The following RBFOX1 variants were observed in gnomAD, a reference collection of about 807,000 sequenced individuals.
RBFOX1 encodes the protein RNA binding fox-1 homolog 1.
In RBFOX1, 8 loss-of-function variants were observed where a neutral mutation model predicts 57.7. The ratio of observed to expected loss-of-function variants is 0.14; its 90% CI spans 0.08 to 0.25. The LOEUF is 0.25. Among genes scored for constraint, RBFOX1 ranks in the 10% least tolerant of loss-of-function variants. RBFOX1 has a pLI of 1.00. For missense variants in RBFOX1, 611 were observed against 548.5 expected, an observed-to-expected ratio of 1.11 and a Z score of -1.14; for synonymous variants, 326 against 222.4, an observed-to-expected ratio of 1.47 and a Z score of -4.15.
chr16:6,265,119 A>C (rs2074310438), intron 1 of RBFOX1, among the ~76,000 whole-genome samples: 1 of 152,158 alleles, frequency 6.6e-6, no homozygotes, highest in African/African-American at 2.4e-5. Flanking sequence ...GGAGACAGTT[A>C]TCTGGGGCTA....
chr16:6,073,679 T>A (rs2095862510), intron 1 of RBFOX1, among the ~76,000 whole-genome samples: 1 of 152,230 alleles, frequency 6.6e-6, no homozygotes, highest in African/African-American at 2.4e-5. Flanking sequence ...CCTGGATTCC[T>A]ATTTTATTGT....
intron 1 of RBFOX1, among the ~76,000 whole-genome samples, chr16:6,146,881 A>G (rs1293041256): frequency 6.6e-6 from 1 of 152,154 alleles, no homozygotes; most frequent in African/African-American, 2.4e-5. Context: ...TTAGTATCTG[A>G]GAGGCATCAA....
chr16:7,322,979 G>A (rs1469006814), intron 4 of RBFOX1, among the ~76,000 whole-genome samples: 1 of 152,088 alleles, frequency 6.6e-6, no homozygotes, highest in Non-Finnish European at 1.5e-5. Context: ...GGGTGGTGTA[G>A]GTCAGCTCTT....
chr16:7,553,772 T>G (rs1407593573), intron 5 of RBFOX1, among the ~76,000 whole-genome samples: 1 of 152,180 alleles, frequency 6.6e-6, no homozygotes, highest in African/African-American at 2.4e-5. Flanking sequence ...CAACCCAATT[T>G]TGATGAACTC....
chr16:6,437,346 A>G (rs2094264079), intron 2 of RBFOX1, among the ~76,000 whole-genome samples: 1 of 152,198 alleles, frequency 6.6e-6, no homozygotes, highest in Admixed American at 6.5e-5. Flanking sequence ...AAGCACAGAG[A>G]GCATATTTCT....
intron 1 of RBFOX1, among the ~76,000 whole-genome samples, chr16:6,180,670 A>G (rs1179666734): frequency 6.6e-6 from 1 of 151,760 alleles, no homozygotes; most frequent in Non-Finnish European, 1.5e-5. Context: ...GGTTCAAGTG[A>G]TTCTCCTGCC....
intron 4 of RBFOX1, among the ~76,000 whole-genome samples, chr16:7,382,129 A>C (rs2097790720): frequency 6.6e-6 from 1 of 152,200 alleles, no homozygotes; most frequent in South Asian, 2.1e-4. Context: ...ATATTTGAGT[A>C]GGGACTAATT....
chr16:5,914,671 C>G (rs753560563), intron 4 of RBFOX1, among the ~76,000 whole-genome samples: 1 of 152,044 alleles, frequency 6.6e-6, no homozygotes, highest in East Asian at 1.9e-4. Context: ...CCCAGGCGGG[C>G]GGATCACGAG....
chr16:7,096,751 G>T (rs1280150642), intron 4 of RBFOX1, among the ~76,000 whole-genome samples: 1 of 151,932 alleles, frequency 6.6e-6, no homozygotes, highest in Admixed American at 6.6e-5. Flanking sequence ...GGCTAACATG[G>T]TGAAAATCTA....
At chr16:7,294,088 G>A (rs1382073504) in intron 4 of RBFOX1, among the ~76,000 whole-genome samples, 2 of 152,194 alleles carry the variant, frequency 1.3e-5, no homozygotes, top group East Asian at 3.9e-4. Context: ...TGCAGGCTTT[G>A]TTTGCCTTCA....
At chr16:7,686,170 G>T (rs1004378268) in intron 14 of RBFOX1, among the ~76,000 whole-genome samples, 1 of 151,344 alleles carries the variant, frequency 6.6e-6, no homozygotes, top group Admixed American at 6.6e-5. Flanking sequence ...TGGGATTATC[G>T]TGTTCTGTTC....
At chr16:5,375,746 G>T (rs917260008) in intron 1 of RBFOX1, among the ~76,000 whole-genome samples, 2 of 152,206 alleles carry the variant, frequency 1.3e-5, no homozygotes, top group Non-Finnish European at 2.9e-5. Flanking sequence ...TGGTGGGCCG[G>T]ATTTGGCCTG....
intron 4 of RBFOX1, among the ~76,000 whole-genome samples, chr16:7,180,283 C>G (rs1303425165): frequency 1.3e-5 from 2 of 152,104 alleles, no homozygotes; most frequent in African/African-American, 2.4e-5. Context: ...ATGTAATGCT[C>G]TAGGGAGGGT....
intron 1 of RBFOX1, among the ~76,000 whole-genome samples, chr16:6,309,412 G>C (rs191112177): frequency 6.6e-6 from 1 of 152,148 alleles, no homozygotes; most frequent in African/African-American, 2.4e-5. Flanking sequence ...AAGATCCGGC[G>C]CGGCCCAGGA....
At chr16:6,819,748 T>A (rs1260347610) in intron 3 of RBFOX1, among the ~76,000 whole-genome samples, 7 of 123,632 alleles carry the variant, frequency 5.7e-5, no homozygotes, top group East Asian at 2.4e-4. Context: ...CACCAAAAGG[T>A]ATATAGTATA....
chr16:7,627,962 A>G (rs1010769186), intron 10 of RBFOX1, among the ~76,000 whole-genome samples: 1 of 151,892 alleles, frequency 6.6e-6, no homozygotes, highest in Non-Finnish European at 1.5e-5. Flanking sequence ...AAAATATTTC[A>G]GTCCAGGTTC....
rs562487048 is a variant in RBFOX1 at position 5,791,638 on chromosome 16, A to G, written c.319-75665A>G. Among the ~76,000 whole-genome samples the G allele has an allele frequency of 1.4e-4, 22 of 152,340 alleles. 1 individual carries two copies. In the South Asian group the frequency reaches 4.6e-3, roughly 32 times the overall value. ...CTTGACTTCCCCAAGGTCACACTAT[A>G]GCAAGTATTAGAGCTGAATGCAAAT... On this transcript the variant is annotated intron_variant, in intron 3 of 19. Coordinates refer to the RBFOX1 transcript ENST00000641259.
chr16:6,398,736 C>G (rs2092943514), intron 2 of RBFOX1, among the ~76,000 whole-genome samples: 1 of 152,230 alleles, frequency 6.6e-6, no homozygotes, highest in African/African-American at 2.4e-5. Flanking sequence ...CACCTTTCCA[C>G]CTGCTTTCAT....
chr16:7,582,184 C>A (rs1476046482), intron 6 of RBFOX1, among the ~76,000 whole-genome samples: 1 of 152,140 alleles, frequency 6.6e-6, no homozygotes, highest in African/African-American at 2.4e-5. Context: ...TTCACCACTT[C>A]ACTTTAAAGT....
Sources: gnomAD v4.1 joint callset for allele counts (sites outside exome capture counted in the v4.1 genomes callset) on GRCh38, gnomAD v4.1.1 for gene constraint, MANE v1.5 for transcripts, NCBI Gene and HGNC (gene_info 2026-07-23, HGNC 2026-07-21) for gene names.